The following TNRC6A variants were observed in gnomAD, a reference collection of about 807,000 sequenced individuals.
TNRC6A encodes trinucleotide repeat containing adaptor 6A.
Under a neutral mutation model 221.2 loss-of-function variants are expected in TNRC6A, and 44 were observed. The ratio of observed to expected loss-of-function variants is 0.20; its 90% CI spans 0.16 to 0.26. TNRC6A has a LOEUF of 0.26. Ranked by LOEUF, TNRC6A falls within the 10% of genes least tolerant of loss-of-function variation. TNRC6A has a pLI of 1.00. For synonymous variants in TNRC6A, 847 were observed against 838.5 expected (o/e 1.01, Z -0.18); for missense variants, 2,199 against 2,404.4 (o/e 0.91, Z 1.79).
chr16:24,741,821 T>C (rs138823790), intron 2 of TNRC6A, among the ~76,000 whole-genome samples: 2 of 152,312 alleles, frequency 1.3e-5, no homozygotes, highest in East Asian at 3.9e-4. Flanking sequence ...GCAATTAGTG[T>C]ACACTTTTTA....
intron 1 of TNRC6A, among the ~76,000 whole-genome samples, chr16:24,627,070 C>T (rs1901057277): frequency 6.6e-6 from 1 of 151,686 alleles, no homozygotes; most frequent in Non-Finnish European, 1.5e-5. Context: ...AATGTATGGC[C>T]CAACCAGGTA....
chr16:24,682,340 C>T (rs1245429527), intron 2 of TNRC6A, among the ~76,000 whole-genome samples: 3 of 151,612 alleles, frequency 2.0e-5, no homozygotes, highest in Non-Finnish European at 2.9e-5. Context: ...GATACTCTCA[C>T]CTCGCCTCCC....
chr16:24,659,221 T>G (rs2054978592), intron 2 of TNRC6A, among the ~76,000 whole-genome samples: 1 of 152,220 alleles, frequency 6.6e-6, no homozygotes, highest in Non-Finnish European at 1.5e-5. Context: ...CTAAACTCAC[T>G]TACTTTCTTT....
At chr16:24,767,660 A>T (rs1341365793) in intron 4 of TNRC6A, among the ~76,000 whole-genome samples, 1 of 152,140 alleles carries the variant, frequency 6.6e-6, no homozygotes. Flanking sequence ...TATAGTATTA[A>T]TTGTTTAATT....
chr16:24,814,980 A>G (rs1198752484), intron 18 of TNRC6A, among the ~76,000 whole-genome samples, 167 bp from the exon 19 acceptor site: 2 of 152,206 alleles, frequency 1.3e-5, no homozygotes, highest in Admixed American at 1.3e-4. Flanking sequence ...ATTTTCAGAC[A>G]TTCTTCAAAT....
Position 24,779,788 on chromosome 16 carries a change from A to G in TNRC6A, c.589+2430A>G, listed in dbSNP as rs1300212879. On this transcript the variant is annotated intron_variant, in intron 5 of 24. Coordinates refer to ENST00000395799, the MANE Select transcript of TNRC6A (RefSeq NM_014494.4). ...CTACATGTAGTTCAGAATTGGGAGA[A>G]CATAGTGTTGGCTTGGTTTTTTGTT... Among the ~76,000 whole-genome samples the G allele has an allele frequency of 2.0e-5, 3 of 152,288 alleles. No individual in the cohort carries two copies. The East Asian group carries it at 5.8e-4, about 29-fold the overall frequency.
intron 5 of TNRC6A, among the ~76,000 whole-genome samples, chr16:24,783,716 G>T (rs891623225): frequency 8.6e-5 from 13 of 152,028 alleles, no homozygotes; most frequent in African/African-American, 1.2e-4. Context: ...AAACTCAGCC[G>T]CTCCCTTTCT....
intron 1 of TNRC6A, among the ~76,000 whole-genome samples, chr16:24,630,522 A>C (rs1901278634): frequency 6.6e-6 from 1 of 152,120 alleles, no homozygotes; most frequent in African/African-American, 2.4e-5. Flanking sequence ...ACAACAACAA[A>C]AAACATAAAA....
At chr16:24,663,186 A>G (rs932609329) in intron 2 of TNRC6A, 1 of 153,784 alleles carries the variant, frequency 6.5e-6, no homozygotes, top group Non-Finnish European at 1.5e-5. Flanking sequence ...ATTTGCTGCA[A>G]AGAATCGCAG....
intron 2 of TNRC6A, among the ~76,000 whole-genome samples, chr16:24,749,865 C>T (rs76488444): frequency 6.6e-6 from 1 of 152,126 alleles, no homozygotes; most frequent in South Asian, 2.1e-4. Flanking sequence ...TTAGACCAGG[C>T]GTGGTGGCTC....
intron 15 of TNRC6A, 101 bp from the exon 16 acceptor site, chr16:24,806,105 G>T: frequency 7.6e-7 from 1 of 1,312,810 alleles, no homozygotes; most frequent in Non-Finnish European, 1.1e-6. Flanking sequence ...GCATTGGCTA[G>T]ATCACGTCGT....
intron 2 of TNRC6A, among the ~76,000 whole-genome samples, chr16:24,743,753 G>T (rs1483252613): frequency 6.6e-6 from 1 of 152,090 alleles, no homozygotes; most frequent in Admixed American, 6.6e-5. Flanking sequence ...TATACATACT[G>T]TTTTTTACCA....
intron 2 of TNRC6A, among the ~76,000 whole-genome samples, chr16:24,700,681 G>A (rs917496248): frequency 8.5e-5 from 13 of 152,054 alleles, no homozygotes; most frequent in African/African-American, 3.1e-4. Flanking sequence ...CAGTAACTAG[G>A]CTCAAAGTGC....
chr16:24,799,045 G>A (rs2058277713), intron 11 of TNRC6A, among the ~76,000 whole-genome samples: 1 of 152,164 alleles, frequency 6.6e-6, no homozygotes, highest in Non-Finnish European at 1.5e-5. Context: ...ACTCGCTACG[G>A]AGCTACCAGA....
In TNRC6A at chr16:24,822,863, C is replaced by T; in HGVS notation, c.5374-11C>T. On this transcript the variant is annotated splice_polypyrimidine_tract_variant and intron_variant, in intron 23 of 24. Transcript: ENST00000395799. ...ACGCCTCTCACTGGCAGTTTCCACA[C>T]TGTTTCCTAGATCGATGGCTCAACT... The T allele has an allele frequency of 6.2e-7, 1 of 1,612,944 alleles. No homozygotes were observed. Among genetic ancestry groups the T allele is most frequent in the Non-Finnish European group, 8.5e-7 (1 of 1,179,910 alleles).
At chr16:24,617,480 T>C (rs978920024) in intron 1 of TNRC6A, among the ~76,000 whole-genome samples, 1 of 152,218 alleles carries the variant, frequency 6.6e-6, no homozygotes, top group East Asian at 1.9e-4. Flanking sequence ...ATTATGCTTC[T>C]TTTATTGCTT....
intron 18 of TNRC6A, among the ~76,000 whole-genome samples, chr16:24,812,332 G>A (rs368578933): frequency 3.9e-5 from 6 of 152,130 alleles, no homozygotes; most frequent in East Asian, 1.9e-4. Flanking sequence ...GATTATAGGC[G>A]TTAGCCACCA....
chr16:24,756,281 G>C (rs1283110427), intron 3 of TNRC6A, among the ~76,000 whole-genome samples: 1 of 152,168 alleles, frequency 6.6e-6, no homozygotes, highest in East Asian at 1.9e-4. Context: ...AGTGGCTGTT[G>C]TTTTGGATAG....
intron 2 of TNRC6A, among the ~76,000 whole-genome samples, chr16:24,669,133 A>G (rs1328219025): frequency 6.6e-6 from 1 of 152,146 alleles, no homozygotes; most frequent in Non-Finnish European, 1.5e-5. Flanking sequence ...AGTGGTACTC[A>G]GGACTAAAAT....
Sources: allele counts gnomAD v4.1 joint callset (sites outside exome capture counted in the v4.1 genomes callset), GRCh38; gene constraint gnomAD v4.1.1; transcripts MANE v1.5; gene names NCBI Gene and HGNC (gene_info 2026-07-23, HGNC 2026-07-21).